Variants in SPPL2A observed in about 807,000 individuals in gnomAD.
The protein encoded by SPPL2A is signal peptide peptidase-like 2A.
In SPPL2A, 51 loss-of-function variants were observed where a neutral mutation model predicts 63.8. That is an observed-to-expected ratio of 0.80 (90% CI 0.64 to 1.01). The LOEUF is 1.01. Ranked by LOEUF, SPPL2A falls within the 50% of genes least tolerant of loss-of-function variation. SPPL2A has a pLI of 0.00. For missense variants in SPPL2A, 553 were observed against 622.7 expected, an observed-to-expected ratio of 0.89 and a Z score of 1.19; for synonymous variants, 188 against 205.8, an observed-to-expected ratio of 0.91 and a Z score of 0.74.
At chr15:50,752,409 C>T (rs2062916235) in intron 1 of SPPL2A, among the ~76,000 whole-genome samples, 1 of 151,670 alleles carries the variant, frequency 6.6e-6, no homozygotes. Context: ...TGGCAAAACC[C>T]CGTCTCTACT....
chr15:50,717,655 T>G (rs2062607801), intron 14 of SPPL2A, among the ~76,000 whole-genome samples: 1 of 152,134 alleles, frequency 6.6e-6, no homozygotes, highest in African/African-American at 2.4e-5. Flanking sequence ...TTCCTGTAAC[T>G]CCCGTAACCC....
At chr15:50,742,318 A>G (rs917349197) in intron 5 of SPPL2A, among the ~76,000 whole-genome samples, 1 of 152,004 alleles carries the variant, frequency 6.6e-6, no homozygotes, top group Non-Finnish European at 1.5e-5. Context: ...TGAACCCAGG[A>G]GGCGGAGGTT....
intron 1 of SPPL2A, 35 bp downstream of exon 1, chr15:50,765,433 C>T: frequency 2.7e-6 from 4 of 1,488,020 alleles, no homozygotes; most frequent in Non-Finnish European, 3.6e-6. Context: ...CCCGCCCAGC[C>T]CCTGGGAGGC....
intron 9 of SPPL2A, 64 bp downstream of exon 9, chr15:50,732,539 T>C: frequency 2.1e-6 from 2 of 969,762 alleles, no homozygotes; most frequent in Non-Finnish European, 1.6e-6. Flanking sequence ...AGGTAAATTA[T>C]GCCTTAATAA....
In SPPL2A at chr15:50,736,644, G is replaced by GGA; in HGVS notation, c.829_830insTC (p.Thr277IlefsTer12). ...AAGATTTCCTGTAAGAGATACGTAC[G>GGA]TGCATTGTCCATATGGTATCTTATG... is the stretch of plus-strand genomic sequence containing the variant. On this transcript the variant is annotated frameshift_variant and splice_region_variant, in exon 7 of 15. Coordinates refer to ENST00000261854, the MANE Select transcript of SPPL2A (RefSeq NM_032802.4). LOFTEE classifies it high-confidence loss of function. 2.7e-6 allele frequency: 4 copies of GGA among 1,507,380 alleles called. No homozygotes were observed. Among genetic ancestry groups the GGA allele is most frequent in the Non-Finnish European group, 3.7e-6 (4 of 1,088,138 alleles). 93.4% of individuals were successfully genotyped at this position (1,507,380 alleles called of 1,614,324 possible).
At chr15:50,763,680 C>T (rs775991695) in intron 1 of SPPL2A, among the ~76,000 whole-genome samples, 15 of 152,074 alleles carry the variant, frequency 9.9e-5, no homozygotes, top group Non-Finnish European at 5.9e-5. Flanking sequence ...GGGTGGATCA[C>T]GAGGTCAGGA....
intron 1 of SPPL2A, among the ~76,000 whole-genome samples, chr15:50,751,750 G>C (rs966425660): frequency 2.0e-5 from 3 of 152,004 alleles, no homozygotes; most frequent in Non-Finnish European, 2.9e-5. Flanking sequence ...ATCATACTAG[G>C]GATTACAAAA....
At chr15:50,734,916 GT>G (rs1567158558) in intron 8 of SPPL2A, among the ~76,000 whole-genome samples, 1 of 150,318 alleles carries the variant, frequency 6.7e-6, no homozygotes, top group Non-Finnish European at 1.5e-5. Flanking sequence ...TTCTTTTTTT[GT>G]TTTTTTGAGA....
At chr15:50,719,215 T>A (rs1866876604) in intron 14 of SPPL2A, among the ~76,000 whole-genome samples, 1 of 152,194 alleles carries the variant, frequency 6.6e-6, no homozygotes, top group African/African-American at 2.4e-5. Flanking sequence ...ATGCCCTATC[T>A]AGTTTGGTTA....
intron 1 of SPPL2A, among the ~76,000 whole-genome samples, chr15:50,764,983 G>A (rs2141069017): frequency 6.6e-6 from 1 of 151,996 alleles, no homozygotes; most frequent in Middle Eastern, 3.4e-3. Flanking sequence ...GTGGGGGAAG[G>A]GAATTTTAAA....
Position 50,706,109 on chromosome 15 carries a change from T to C in SPPL2A, c.*1691A>G, listed in dbSNP as rs996979171. On this transcript the variant is annotated 3_prime_UTR_variant, in exon 15 of 15. Transcript: ENST00000261854. The stretch of plus-strand genomic sequence containing the variant: ...TTTTACAGATTAGAAAACTGAGATA[T>C]GGCCGGGCGCGGTGGCTCACGCCTG... 6 of 152,282 alleles carry C rather than the reference T, an allele frequency of 3.9e-5. No individual in the cohort carries two copies. Among genetic ancestry groups the C allele is most frequent in the African/African-American group, 1.4e-4 (6 of 41,562 alleles). 9.4% of individuals were successfully genotyped at this position (152,282 alleles called of 1,614,324 possible).
rs1175056069 is a variant in SPPL2A, at chr15:50,703,354, ATATTTTTTTTTT to A, written c.*4434_*4445del. 6 of 65,834 alleles carry A rather than the reference ATATTTTTTTTTT, an allele frequency of 9.1e-5. No homozygotes were observed. Among genetic ancestry groups the A allele is most frequent in the Admixed American group, 1.9e-4 (1 of 5,184 alleles). 4.1% of individuals were successfully genotyped at this position (65,834 alleles called of 1,614,324 possible). ...TATATATATATATATATACATATAT[ATATTTTTTTTTT>A]TTTTTTTTTTTTTTGAGATGGAGTC... On this transcript the variant is annotated 3_prime_UTR_variant, in exon 15 of 15. Transcript: ENST00000261854.
At chr15:50,756,356 CAAAAAAA>C (rs34922256) in intron 1 of SPPL2A, among the ~76,000 whole-genome samples, 4 of 63,404 alleles carry the variant, frequency 6.3e-5, no homozygotes, top group Non-Finnish European at 9.0e-5. Flanking sequence ...GACTCCGTCT[CAAAAAAA>C]AAAAAAAAAA....
Position 50,749,487 on chromosome 15 carries a change from C to T in SPPL2A, c.177+149G>A, listed in dbSNP as rs1029191269. On this transcript the variant is annotated intron_variant, in intron 2 of 14. Transcript: ENST00000261854. ...ATTTTTAGTAGAGAAGGGGTTTCAC[C>T]GTGTTAGCCAGGATGGTCTTGATCT... 34 of 580,036 alleles carry T rather than the reference C, an allele frequency of 5.9e-5. No homozygotes were observed. In the Middle Eastern group the frequency reaches 1.5e-3, roughly 26 times the overall value. 35.9% of individuals were successfully genotyped at this position (580,036 alleles called of 1,614,324 possible). A position where few individuals can be genotyped will look rare whatever the true frequency, so the allele number is the denominator to read the frequency against.
rs9920083 is a variant in SPPL2A at position 50,705,158 on chromosome 15, A to C, written c.*2642T>G. ...GAGCTCAAGACCAGCCTGACCAACA[A>C]GGTGAAACCCCGTCTCTACTAAAAA... On this transcript the variant is annotated 3_prime_UTR_variant, in exon 15 of 15. Coordinates refer to ENST00000261854, the MANE Select transcript of SPPL2A (RefSeq NM_032802.4). The C allele has an allele frequency of 0.096, 14,578 of 152,054 alleles. 786 individuals are homozygous for C. Among genetic ancestry groups the C allele is most frequent in the South Asian group, 0.15 (729 of 4,820 alleles). 9.4% of individuals were successfully genotyped at this position (152,054 alleles called of 1,614,324 possible). A position where few individuals can be genotyped will look rare whatever the true frequency, so the allele number is the denominator to read the frequency against.
chr15:50,728,378 CTG>C (rs982748832), intron 10 of SPPL2A, among the ~76,000 whole-genome samples: 5 of 152,192 alleles, frequency 3.3e-5, no homozygotes, highest in African/African-American at 1.2e-4. Context: ...GAGTCTCACT[CTG>C]TTGCCCAGGC....
intron 5 of SPPL2A, among the ~76,000 whole-genome samples, chr15:50,747,052 GA>G (rs896497575): frequency 1.3e-5 from 2 of 151,852 alleles, no homozygotes; most frequent in South Asian, 2.1e-4. Flanking sequence ...TTGACTAAGT[GA>G]AAAAAAAGAT....
intron 10 of SPPL2A, among the ~76,000 whole-genome samples, chr15:50,729,296 A>C (rs1043813523): frequency 2.6e-5 from 4 of 152,160 alleles, no homozygotes; most frequent in Non-Finnish European, 4.4e-5. Context: ...AGTTCTATGA[A>C]TTTTTCTTTT....
In SPPL2A at chr15:50,720,027, A is replaced by G; in HGVS notation, c.1401T>C (p.Tyr467=). 1 of 1,613,670 alleles carries G rather than the reference A, an allele frequency of 6.2e-7. No homozygotes were observed. The highest frequency in any genetic ancestry group is 2.2e-5 in the East Asian group (1 of 44,852). The change falls in exon 14 of 15, where the codon TAT becomes TAC. Residue 467 remains tyrosine (Y), a synonymous_variant. Coordinates refer to ENST00000261854, the MANE Select transcript of SPPL2A (RefSeq NM_032802.4). ...LMKKGQPALL[Y]LVPCTLITAS... ...CAGTAATAAGTGTGCAAGGTACTAA[A>G]TAGAGGAGAGCAGGTTGCCCCTTTT... is the stretch of plus-strand genomic sequence containing the variant.
Sources: allele counts gnomAD v4.1 joint callset (sites outside exome capture counted in the v4.1 genomes callset), GRCh38; gene constraint gnomAD v4.1.1; transcripts MANE v1.5; gene names NCBI Gene and HGNC (gene_info 2026-07-23, HGNC 2026-07-21).